FAM78B: variants seen among roughly 807,000 people sequenced by gnomAD.
FAM78B encodes the protein family with sequence similarity 78 member B, also known as protein FAM78B.
FAM78B carries 10 observed loss-of-function variants against 20.0 expected under a neutral mutation model. The ratio of observed to expected loss-of-function variants is 0.50; its 90% confidence interval spans 0.31 to 0.85. The LOEUF is 0.85. Ranked by LOEUF, FAM78B falls within the 40% of genes least tolerant of loss-of-function variation. FAM78B has a pLI of 0.05. For missense variants in FAM78B, 283 were observed against 345.0 expected, an observed-to-expected ratio of 0.82 and a Z score of 1.42; for synonymous variants, 135 against 132.8, an observed-to-expected ratio of 1.02 and a Z score of -0.12.
intron 1 of FAM78B, among the ~76,000 whole-genome samples, chr1:166,148,125 T>A (rs944420299): frequency 3.9e-5 from 6 of 152,210 alleles, no homozygotes; most frequent in African/African-American, 1.4e-4. Flanking sequence ...AACAGATGAA[T>A]GCAAAGTAAG....
At chr1:166,110,702 T>C (rs1417705966) in intron 1 of FAM78B, among the ~76,000 whole-genome samples, 1 of 152,182 alleles carries the variant, frequency 6.6e-6, no homozygotes. Flanking sequence ...TCTCTGCTTT[T>C]AGAGAGTAGA....
At chr1:166,107,037 C>T (rs761637714) in intron 1 of FAM78B, among the ~76,000 whole-genome samples, 1 of 152,014 alleles carries the variant, frequency 6.6e-6, no homozygotes, top group African/African-American at 2.4e-5. Flanking sequence ...TAAATGCCTA[C>T]ATCAAAAAGA....
At position 166,074,663 on chromosome 1, in the gene FAM78B, T is replaced by TA. The variant is rs200990941; in HGVS notation, c.264-3901dup. ...TATACTTTATATATTTACTCACCTTTAAAAAAAATCTAACATCTATTCATT... is the reference window on the plus strand; with the variant it reads ...TATACTTTATATATTTACTCACCTTTAAAAAAAAATCTAACATCTATTCATT... On this transcript the variant is annotated intron_variant, in intron 1 of 1. Transcript: ENST00000354422. Among the ~76,000 whole-genome samples, 252 of 152,232 alleles carry TA rather than the reference T, an allele frequency of 1.7e-3. 6 individuals carry two copies. The East Asian group carries it at 0.043, about 26-fold the overall frequency.
intron 1 of FAM78B, among the ~76,000 whole-genome samples, chr1:166,147,590 C>T (rs990653607): frequency 1.3e-5 from 2 of 152,042 alleles, no homozygotes; most frequent in Non-Finnish European, 2.9e-5. Flanking sequence ...GTAAATGGTG[C>T]AAGCAAGCAG....
At chr1:166,145,063 A>C (rs1001517960) in intron 1 of FAM78B, among the ~76,000 whole-genome samples, 2 of 152,190 alleles carry the variant, frequency 1.3e-5, no homozygotes, top group East Asian at 1.9e-4. Flanking sequence ...ACACCAAAGA[A>C]GACAGGTGGG....
intron 1 of FAM78B, among the ~76,000 whole-genome samples, chr1:166,151,361 G>A (rs560378736): frequency 9.7e-4 from 148 of 152,270 alleles, no homozygotes; most frequent in African/African-American, 3.2e-3. Context: ...GTGGAAAGTC[G>A]TTAAGTACTA....
chr1:166,087,585 T>C (rs1401312230), intron 1 of FAM78B: 1 of 152,170 alleles, frequency 6.6e-6, no homozygotes, highest in African/African-American at 2.4e-5. Flanking sequence ...CGTAAGTCCT[T>C]GTGAAGGGGG....
intron 1 of FAM78B, among the ~76,000 whole-genome samples, chr1:166,143,297 G>A (rs1655343437): frequency 6.6e-6 from 1 of 152,102 alleles, no homozygotes; most frequent in Non-Finnish European, 1.5e-5. Context: ...TGTCTTCTAG[G>A]AGAGGAGAGG....
chr1:166,153,112 C>T (rs139567565), intron 1 of FAM78B, among the ~76,000 whole-genome samples: 5 of 152,336 alleles, frequency 3.3e-5, no homozygotes, highest in African/African-American at 1.2e-4. Flanking sequence ...TGAAAGTAGA[C>T]GCCCAGCCAG....
intron 1 of FAM78B, among the ~76,000 whole-genome samples, chr1:166,125,214 T>C (rs988323262): frequency 6.6e-6 from 1 of 152,200 alleles, no homozygotes. Flanking sequence ...CTTTTTCCTA[T>C]GGTTGTGGGA....
chr1:166,136,999 T>C (rs922096049), intron 1 of FAM78B, among the ~76,000 whole-genome samples: 6 of 152,198 alleles, frequency 3.9e-5, no homozygotes, highest in Non-Finnish European at 7.4e-5. Context: ...AAGCTCCTAA[T>C]GGAAAGAGAA....
At chr1:166,099,499 C>A (rs1553217932) in intron 1 of FAM78B, among the ~76,000 whole-genome samples, 11 of 152,090 alleles carry the variant, frequency 7.2e-5, no homozygotes, top group Non-Finnish European at 2.9e-5. Flanking sequence ...AAAAACTCAC[C>A]AACTAACTAT....
At chr1:166,080,396 G>A (rs1652517429) in intron 1 of FAM78B, among the ~76,000 whole-genome samples, 1 of 152,102 alleles carries the variant, frequency 6.6e-6, no homozygotes, top group South Asian at 2.1e-4. Flanking sequence ...GGCACAGCAG[G>A]GGATCTCCAA....
At chr1:166,117,056 T>C (rs1021745506) in intron 1 of FAM78B, among the ~76,000 whole-genome samples, 11 of 152,222 alleles carry the variant, frequency 7.2e-5, no homozygotes, top group African/African-American at 2.7e-4. Context: ...TTCTCCTACT[T>C]TGACAACTAT....
At chr1:166,064,122 G>T (rs1039900335) in intron 2 of FAM78B, among the ~76,000 whole-genome samples, 2 of 152,186 alleles carry the variant, frequency 1.3e-5, no homozygotes, top group African/African-American at 4.8e-5. Context: ...AGGGCCATGG[G>T]GAATGGGGCT....
intron 1 of FAM78B, among the ~76,000 whole-genome samples, chr1:166,109,833 T>TAC (rs1653939321): frequency 4.2e-4 from 6 of 14,224 alleles, no homozygotes; most frequent in East Asian, 6.8e-3. Flanking sequence ...TATATATATG[T>TAC]ATATATGTAT....
chr1:166,143,218 G>T (rs539804773), intron 1 of FAM78B, among the ~76,000 whole-genome samples: 1 of 152,150 alleles, frequency 6.6e-6, no homozygotes, highest in East Asian at 1.9e-4. Context: ...GGCTGGGACA[G>T]TGGCAGGGAA....
intron 1 of FAM78B, among the ~76,000 whole-genome samples, chr1:166,073,534 CTCTTTT>C (rs1557888868): frequency 6.7e-5 from 9 of 134,222 alleles, no homozygotes; most frequent in African/African-American, 2.3e-4. Context: ...TTCTCTTTCT[CTCTTTT>C]TTTTTTTTTT....
intron 1 of FAM78B, among the ~76,000 whole-genome samples, chr1:166,133,019 T>C (rs1183413422): frequency 1.3e-5 from 2 of 152,166 alleles, no homozygotes; most frequent in Non-Finnish European, 2.9e-5. Context: ...TGAGACTTTG[T>C]TGAGGAATTG....
Sources: allele counts gnomAD v4.1 joint callset (sites outside exome capture counted in the v4.1 genomes callset), GRCh38; gene constraint gnomAD v4.1.1; transcripts MANE v1.5; gene names NCBI Gene and HGNC (gene_info 2026-07-23, HGNC 2026-07-21).